CAST: variants seen among roughly 807,000 people sequenced by gnomAD.
CAST encodes the protein calpastatin, also known as MIR583 host.
Under a neutral mutation model 119.6 loss-of-function variants are expected in CAST, and 76 were observed. The observed-to-expected ratio is 0.64, with a 90% CI of 0.53 to 0.77. The LOEUF is 0.77. Ranked by LOEUF, CAST falls within the 30% of genes least tolerant of loss-of-function variation. CAST has a pLI of 0.00. For synonymous variants in CAST, 319 were observed against 331.6 expected (o/e 0.96, Z 0.41); for missense variants, 953 against 946.5 (o/e 1.01, Z -0.09).
At chr5:96,565,613 T>A (rs1746452310) in intron 1 of CAST, among the ~76,000 whole-genome samples, 1 of 152,306 alleles carries the variant, frequency 6.6e-6, no homozygotes, top group South Asian at 2.1e-4. Context: ...GAAGTGGTAC[T>A]GGGTCCACTC....
At chr5:96,739,786 A>T (rs1175890074) in intron 11 of CAST, among the ~76,000 whole-genome samples, 3 of 152,246 alleles carry the variant, frequency 2.0e-5, no homozygotes, top group African/African-American at 7.2e-5. Context: ...TTGAAAACAA[A>T]ATGTATTTAG....
the CAST span, among the ~76,000 whole-genome samples, chr5:96,136,707 T>A: frequency 6.6e-6 from 1 of 152,240 alleles, no homozygotes; most frequent in Non-Finnish European, 1.5e-5. Flanking sequence ...ACTACCTGTG[T>A]AATTCTAGCC....
the CAST span, among the ~76,000 whole-genome samples, chr5:96,036,533 C>A: frequency 6.6e-6 from 1 of 152,098 alleles, no homozygotes; most frequent in Non-Finnish European, 1.5e-5. Flanking sequence ...ACTATCACTG[C>A]CCTGAAGGAG....
the CAST span, among the ~76,000 whole-genome samples, chr5:96,107,469 T>A: frequency 6.6e-6 from 1 of 152,106 alleles, no homozygotes; most frequent in Admixed American, 6.5e-5. Context: ...ATTTTATTTC[T>A]CCTTCACTTA....
the CAST span, among the ~76,000 whole-genome samples, chr5:96,443,534 G>A: frequency 6.6e-6 from 1 of 152,318 alleles, no homozygotes; most frequent in Middle Eastern, 3.4e-3. Context: ...TACTATATCT[G>A]TATAGCTTCA....
chr5:96,275,956 A>T, the CAST span, among the ~76,000 whole-genome samples: 1 of 152,214 alleles, frequency 6.6e-6, no homozygotes, highest in Non-Finnish European at 1.5e-5. Flanking sequence ...TTCACTTTAC[A>T]TCCTTTTTCC....
At chr5:96,370,929 A>T in the CAST span, among the ~76,000 whole-genome samples, 1 of 152,168 alleles carries the variant, frequency 6.6e-6, no homozygotes, top group Non-Finnish European at 1.5e-5. Flanking sequence ...GTAGACCTAA[A>T]TGAAGCCAAG....
Position 96,662,420 on chromosome 5 carries a change from G to C in CAST, c.-3G>C. The C allele has an allele frequency of 6.9e-7, 1 of 1,438,928 alleles. No individual in the cohort carries two copies. The highest frequency in any genetic ancestry group is 9.1e-7 in the Non-Finnish European group (1 of 1,102,114). 89.1% of individuals were successfully genotyped at this position (1,438,928 alleles called of 1,614,324 possible). On this transcript the variant is annotated 5_prime_UTR_variant, in exon 1 of 32. Coordinates refer to ENST00000675179, the MANE Select transcript of CAST (RefSeq NM_001750.7). ...GGGAGGCAGCGGCCGCAGCGGCCTC[G>C]CCATGTCCCAGCCCGGCCAGAAGCC...
the CAST span, among the ~76,000 whole-genome samples, chr5:96,219,296 A>G: frequency 0.19 from 29,389 of 152,130 alleles, 3,633 homozygotes; most frequent in Non-Finnish European, 0.26. Flanking sequence ...TCTATTATGC[A>G]TTCAGGAGCT....
the CAST span, among the ~76,000 whole-genome samples, chr5:96,085,809 G>A: frequency 2.6e-5 from 4 of 152,190 alleles, no homozygotes; most frequent in African/African-American, 7.2e-5. Context: ...ATCAGCTACC[G>A]ACTTTTTAGT....
At chr5:96,730,891 G>T in intron 9 of CAST, 31 bp downstream of exon 9, 1 of 1,505,704 alleles carries the variant, frequency 6.6e-7, no homozygotes, top group Non-Finnish European at 9.3e-7. Context: ...GGAAACGTGG[G>T]CCTCTGTGCT....
the CAST span, among the ~76,000 whole-genome samples, chr5:96,440,940 T>C: frequency 1.3e-5 from 2 of 152,282 alleles, no homozygotes; most frequent in Non-Finnish European, 2.9e-5. Context: ...AGCACAGATA[T>C]AAGAGCAGAC....
chr5:96,007,326 T>A, the CAST span, among the ~76,000 whole-genome samples: 1 of 152,238 alleles, frequency 6.6e-6, no homozygotes, highest in Non-Finnish European at 1.5e-5. Flanking sequence ...TATTTCTGGG[T>A]GCAAGACTGG....
chr5:95,991,141 G>A, the CAST span, among the ~76,000 whole-genome samples: 1 of 152,134 alleles, frequency 6.6e-6, no homozygotes, highest in African/African-American at 2.4e-5. Flanking sequence ...GCCACAACAA[G>A]GACATTGGAT....
chr5:96,120,748 A>G, the CAST span, among the ~76,000 whole-genome samples: 3 of 148,414 alleles, frequency 2.0e-5, no homozygotes, highest in Non-Finnish European at 3.0e-5. Flanking sequence ...ATAATAATAT[A>G]CATACATATA....
At chr5:96,471,255 T>A in the CAST span, among the ~76,000 whole-genome samples, 1 of 152,060 alleles carries the variant, frequency 6.6e-6, no homozygotes, top group Admixed American at 6.6e-5. Flanking sequence ...TACCAGAAAA[T>A]TCACACTGAA....
the CAST span, among the ~76,000 whole-genome samples, chr5:96,162,398 A>G: frequency 1.3e-5 from 2 of 151,988 alleles, no homozygotes; most frequent in African/African-American, 4.8e-5. Flanking sequence ...TTCTACTAGC[A>G]CGGGATGGTA....
chr5:96,749,534 TTTG>T (rs1764511409), intron 19 of CAST, among the ~76,000 whole-genome samples: 7 of 152,146 alleles, frequency 4.6e-5, no homozygotes, highest in Non-Finnish European at 7.4e-5. Flanking sequence ...TTCTGTTCTT[TTTG>T]TTTGTTTGTT....
At chr5:96,684,688 A>AGT (rs1751850708) in intron 2 of CAST, among the ~76,000 whole-genome samples, 2 of 151,744 alleles carry the variant, frequency 1.3e-5, no homozygotes, top group Admixed American at 1.3e-4. Context: ...TTAGCCTCCC[A>AGT]AGTAGCTGGG....
Sources: allele counts gnomAD v4.1 joint callset (sites outside exome capture counted in the v4.1 genomes callset), GRCh38; gene constraint gnomAD v4.1.1; transcripts MANE v1.5; gene names NCBI Gene and HGNC (gene_info 2026-07-23, HGNC 2026-07-21).